The following STK3 variants were observed in gnomAD, a reference collection of about 807,000 sequenced individuals.
The protein encoded by STK3 is serine/threonine-protein kinase 3.
In STK3, 41 loss-of-function variants were observed where a neutral mutation model predicts 58.0. The ratio of observed to expected loss-of-function variants is 0.71; its 90% confidence interval spans 0.55 to 0.92. The LOEUF (loss-of-function observed/expected upper bound fraction) is 0.92, where lower values mean the gene tolerates loss of function less well. Among genes scored for constraint, STK3 ranks in the 40% least tolerant of loss-of-function variants. The pLI, the probability that STK3 is intolerant of heterozygous loss-of-function variation, is 0.00. For synonymous variants in STK3, 170 were observed against 191.0 expected (o/e 0.89, Z 0.91); for missense variants, 479 against 602.7 (o/e 0.79, Z 2.15).
intron 6 of STK3, among the ~76,000 whole-genome samples, chr8:98,657,944 AT>A (rs912510208): frequency 1.3e-5 from 2 of 152,070 alleles, no homozygotes; most frequent in African/African-American, 2.4e-5. Flanking sequence ...CAATAAATCT[AT>A]TGTGTCCATT....
intron 9 of STK3, among the ~76,000 whole-genome samples, chr8:98,538,810 G>A (rs16897067): frequency 0.011 from 1,667 of 152,218 alleles, 25 homozygotes; most frequent in African/African-American, 0.037. Context: ...GTTATACTTC[G>A]TTAAACGTCC....
chr8:98,899,833 A>G (rs1437861157), intron 1 of STK3, among the ~76,000 whole-genome samples: 1 of 152,162 alleles, frequency 6.6e-6, no homozygotes, highest in Non-Finnish European at 1.5e-5. Context: ...CCAGGTCTGA[A>G]GCTCCTTACT....
At chr8:98,537,291 T>G (rs777973886) in intron 9 of STK3, among the ~76,000 whole-genome samples, 19 of 152,192 alleles carry the variant, frequency 1.2e-4, no homozygotes, top group Non-Finnish European at 2.4e-4. Context: ...AAAAAAAGAT[T>G]AAAAAACAAT....
chr8:98,854,886 G>A (rs576942667), intron 3 of STK3, among the ~76,000 whole-genome samples: 158 of 152,114 alleles, frequency 1.0e-3, no homozygotes, highest in African/African-American at 3.6e-3. Context: ...GCGAAACCCC[G>A]TCTCTACTAA....
At chr8:98,745,358 T>C (rs1004492939) in intron 4 of STK3, among the ~76,000 whole-genome samples, 2 of 152,166 alleles carry the variant, frequency 1.3e-5, no homozygotes, top group African/African-American at 4.8e-5. Flanking sequence ...GGGGGTAGCT[T>C]TGCATATGTT....
intron 9 of STK3, among the ~76,000 whole-genome samples, chr8:98,542,153 A>G (rs777238946): frequency 5.9e-5 from 9 of 152,366 alleles, no homozygotes; most frequent in South Asian, 2.1e-4. Flanking sequence ...TTTGGCCTGT[A>G]GTAGGAGCTC....
intron 10 of STK3, among the ~76,000 whole-genome samples, chr8:98,502,668 G>A (rs1029749914): frequency 6.6e-6 from 1 of 152,128 alleles, no homozygotes; most frequent in African/African-American, 2.4e-5. Flanking sequence ...TAATCATGTG[G>A]TTTTTGTCAT....
chr8:98,751,417 C>G, intron 3 of STK3, among the ~76,000 whole-genome samples: 1 of 152,276 alleles, frequency 6.6e-6, no homozygotes, highest in East Asian at 1.9e-4. Flanking sequence ...TCTCAGGATA[C>G]AAAAGCAATG....
intron 9 of STK3, among the ~76,000 whole-genome samples, chr8:98,535,894 AAT>A (rs1477198061): frequency 1.3e-5 from 2 of 152,170 alleles, no homozygotes; most frequent in Non-Finnish European, 2.9e-5. Context: ...TTCCTTTAGA[AAT>A]GAGGAGAGTA....
Position 98,939,499 on chromosome 8 carries a change from C to T in STK3, c.-79+2879G>A, listed in dbSNP as rs868600039. Among the ~76,000 whole-genome samples, 10 of 152,320 alleles carry T rather than the reference C, an allele frequency of 6.6e-5. No homozygotes were observed. The East Asian group carries it at 1.7e-3, about 26-fold the overall frequency. ...TCTAGAGGGTAACTCGGACCTATCCCAGCGTCCCAGGGAAACGAAATCTGC... is the reference window on the plus strand; with the variant it reads ...TCTAGAGGGTAACTCGGACCTATCCTAGCGTCCCAGGGAAACGAAATCTGC... On this transcript the variant is annotated intron_variant, in intron 1 of 1. Transcript: ENST00000519420.
At position 98,940,181 on chromosome 8, in the gene STK3, C is replaced by G. The variant is rs565242345; in HGVS notation, c.-79+2197G>C. On this transcript the variant is annotated intron_variant, in intron 1 of 1. Coordinates refer to the STK3 transcript ENST00000519420. The stretch of plus-strand genomic sequence containing the variant: ...GGAGACCGCGGAGCCCGAGCCGTAT[C>G]CAGCTTGTGCAGGAGCCGGTGCGCC... Among the ~76,000 whole-genome samples, 384 of 152,222 alleles carry G rather than the reference C, an allele frequency of 2.5e-3. 3 individuals carry two copies. The highest frequency in any genetic ancestry group is 9.0e-3 in the African/African-American group (372 of 41,548).
intron 10 of STK3, among the ~76,000 whole-genome samples, chr8:98,468,399 C>G (rs1820645367): frequency 6.6e-6 from 1 of 152,116 alleles, no homozygotes; most frequent in Non-Finnish European, 1.5e-5. Context: ...CTAAAACACC[C>G]ATGAAGAGAT....
At chr8:98,412,313 A>T (rs1818066635) in intron 3 of STK3, among the ~76,000 whole-genome samples, 1 of 152,210 alleles carries the variant, frequency 6.6e-6, no homozygotes, top group African/African-American at 2.4e-5. Context: ...TTAGAGTTGC[A>T]AACAGTCTCC....
At chr8:98,373,191 A>G (rs773832232) in intron 2 of STK3, among the ~76,000 whole-genome samples, 5 of 151,866 alleles carry the variant, frequency 3.3e-5, no homozygotes, top group Non-Finnish European at 7.4e-5. Flanking sequence ...TTTTTTTGTG[A>G]TTGCTGTTTA....
intron 4 of STK3, among the ~76,000 whole-genome samples, chr8:98,736,358 A>G (rs1488721103): frequency 6.6e-6 from 1 of 152,172 alleles, no homozygotes; most frequent in Non-Finnish European, 1.5e-5. Context: ...GCATACATAT[A>G]ATCACCAAAA....
intron 6 of STK3, among the ~76,000 whole-genome samples, chr8:98,675,687 C>A (rs1371349149): frequency 6.6e-6 from 1 of 151,870 alleles, no homozygotes; most frequent in Non-Finnish European, 1.5e-5. Context: ...ACGGTGAAAC[C>A]CCCTCTCTAC....
intron 1 of STK3, among the ~76,000 whole-genome samples, chr8:98,801,745 G>A (rs1483997818): frequency 6.6e-6 from 1 of 152,076 alleles, no homozygotes; most frequent in Admixed American, 6.6e-5. Flanking sequence ...TCATTCTTAA[G>A]TCAGTGAGAC....
chr8:98,359,522 C>CG, the STK3 span, among the ~76,000 whole-genome samples: 3 of 114,508 alleles, frequency 2.6e-5, no homozygotes, highest in African/African-American at 9.6e-5. Context: ...GACTCTGGCT[C>CG]AAAAAAAAAA....
chr8:98,894,117 G>A (rs1278529010), intron 1 of STK3, among the ~76,000 whole-genome samples: 1 of 152,096 alleles, frequency 6.6e-6, no homozygotes, highest in Non-Finnish European at 1.5e-5. Flanking sequence ...CCCGTGATAG[G>A]GGGTATTTTC....
Sources: allele counts gnomAD v4.1 joint callset (sites outside exome capture counted in the v4.1 genomes callset), GRCh38; gene constraint gnomAD v4.1.1; transcripts MANE v1.5; gene names NCBI Gene and HGNC (gene_info 2026-07-23, HGNC 2026-07-21).